Variants in TMC2 observed in about 807,000 individuals in gnomAD.
TMC2 encodes the protein transmembrane channel-like protein 2.
Under a neutral mutation model 105.9 loss-of-function variants are expected in TMC2, and 102 were observed. That is an observed-to-expected ratio of 0.96 (90% CI 0.82 to 1.14). The LOEUF is 1.14. TMC2 is among the 50% of genes most tolerant of loss of function. The probability of loss-of-function intolerance (pLI) is 0.00; values close to 1 mark genes in which losing one functional copy is unlikely to be tolerated. For synonymous variants in TMC2, 402 were observed against 422.8 expected (o/e 0.95, Z 0.60); for missense variants, 1,093 against 1,134.3 (o/e 0.96, Z 0.52).
chr20:2,539,962 A>AAG (rs397746471), intron 2 of TMC2, among the ~76,000 whole-genome samples: 1 of 148,016 alleles, frequency 6.8e-6, no homozygotes, highest in Admixed American at 6.8e-5. Flanking sequence ...CGCAAATAGC[A>AAG]CACAAGACTA....
intron 17 of TMC2, among the ~76,000 whole-genome samples, chr20:2,630,887 G>A (rs2086598089): frequency 6.6e-6 from 1 of 152,146 alleles, no homozygotes; most frequent in African/African-American, 2.4e-5. Context: ...GAAGCATAGT[G>A]TTTATCCATT....
At chr20:2,563,002 T>C (rs1313672588) in intron 4 of TMC2, among the ~76,000 whole-genome samples, 1 of 152,130 alleles carries the variant, frequency 6.6e-6, no homozygotes, top group Non-Finnish European at 1.5e-5. Context: ...TACATACTTT[T>C]TGAGTTTCTG....
At chr20:2,559,599 G>T (rs1715375192) in intron 3 of TMC2, among the ~76,000 whole-genome samples, 1 of 152,142 alleles carries the variant, frequency 6.6e-6, no homozygotes, top group African/African-American at 2.4e-5. Flanking sequence ...GTGAAGAGTT[G>T]ATGTTCTTTC....
At chr20:2,620,767 A>G (rs766466510) in intron 16 of TMC2, among the ~76,000 whole-genome samples, 1 of 152,172 alleles carries the variant, frequency 6.6e-6, no homozygotes, top group Non-Finnish European at 1.5e-5. Flanking sequence ...AGAACTGTGA[A>G]CCCACAAGGG....
intron 5 of TMC2, among the ~76,000 whole-genome samples, chr20:2,574,182 C>A (rs1568510256): frequency 6.6e-6 from 1 of 152,088 alleles, no homozygotes; most frequent in Non-Finnish European, 1.5e-5. Context: ...TATTAAACAC[C>A]TTTTCCTTTA....
chr20:2,566,479 G>A (rs1256411255), intron 4 of TMC2, among the ~76,000 whole-genome samples: 4 of 152,102 alleles, frequency 2.6e-5, no homozygotes, highest in Non-Finnish European at 4.4e-5. Flanking sequence ...CATGAATCAG[G>A]GATATTTGCT....
At chr20:2,589,509 C>T (rs367591511) in intron 7 of TMC2, among the ~76,000 whole-genome samples, 3 of 152,006 alleles carry the variant, frequency 2.0e-5, no homozygotes, top group Non-Finnish European at 2.9e-5. Context: ...TTGAAATCAA[C>T]GAATAACTCA....
chr20:2,606,501 C>A (rs1472309512), intron 11 of TMC2, among the ~76,000 whole-genome samples: 1 of 152,196 alleles, frequency 6.6e-6, no homozygotes, highest in Non-Finnish European at 1.5e-5. Flanking sequence ...CTCAAGTGAT[C>A]TGCCTGCCTC....
intron 11 of TMC2, among the ~76,000 whole-genome samples, chr20:2,609,281 T>C (rs2086416858): frequency 6.6e-6 from 1 of 152,076 alleles, no homozygotes; most frequent in Non-Finnish European, 1.5e-5. Flanking sequence ...GGCCCCAGTG[T>C]AGCTCCTGAC....
rs2086479289 is a variant in TMC2 at position 2,616,121 on chromosome 20, C to T, written c.1873-16C>T. On this transcript the variant is annotated splice_polypyrimidine_tract_variant and intron_variant, in intron 14 of 19. Transcript: ENST00000358864. The surrounding 1 kb of genome is among the most constrained non-coding windows in gnomAD (Gnocchi z 4.8). The stretch of plus-strand genomic sequence containing the variant: ...TTTTTTTCTCTCTCTCTCTCGCTCC[C>T]TCCCTCCCTCTCTAGCCTTCATATG... 1 of 1,608,046 alleles carries T rather than the reference C, an allele frequency of 6.2e-7. No homozygotes were observed. Among genetic ancestry groups the T allele is most frequent in the Non-Finnish European group, 8.5e-7 (1 of 1,174,894 alleles).
At chr20:2,610,059 G>A (rs1300799975) in intron 11 of TMC2, among the ~76,000 whole-genome samples, 2 of 152,190 alleles carry the variant, frequency 1.3e-5, no homozygotes, top group East Asian at 3.9e-4. Context: ...ATGTTAGCCA[G>A]GATCTCCTGG....
At chr20:2,596,424 G>T (rs2086307093) in intron 9 of TMC2, among the ~76,000 whole-genome samples, 1 of 152,124 alleles carries the variant, frequency 6.6e-6, no homozygotes, top group Non-Finnish European at 1.5e-5. Context: ...CTGAGGTCAG[G>T]AGTTCGAGAC....
intron 2 of TMC2, among the ~76,000 whole-genome samples, chr20:2,542,213 G>A (rs527977517): frequency 1.3e-5 from 2 of 152,278 alleles, no homozygotes; most frequent in Non-Finnish European, 2.9e-5. Context: ...ACTCAAGGAG[G>A]TGGTTAGAAT....
In TMC2 at chr20:2,568,601, C is replaced by A. The variant is rs77265659; in HGVS notation, c.555-3578C>A. Among the ~76,000 whole-genome samples the A allele has an allele frequency of 4.2e-3, 634 of 152,298 alleles. 2 individuals carry two copies. Among genetic ancestry groups the A allele is most frequent in the African/African-American group, 0.014 (568 of 41,562 alleles). ...GAAGCTGCTAAATCTTAAAACCTGG[C>A]ACATTTAAGCTCATAGAACTCCAAG... is the stretch of plus-strand genomic sequence containing the variant. On this transcript the variant is annotated intron_variant, in intron 4 of 19. Transcript: ENST00000358864.
In TMC2 at chr20:2,642,130, C is replaced by T. The variant is rs1482059657; in HGVS notation, c.*779C>T. On this transcript the variant is annotated 3_prime_UTR_variant, in exon 20 of 20. Transcript: ENST00000358864. ...GGAGTGGTGGCTCACACCTGTAATC[C>T]CAACACTTTAAGAGGCTGAAGTGGG... 3.9e-5 allele frequency among the ~76,000 whole-genome samples: 6 copies of T among 152,106 alleles called. No individual in the cohort carries two copies. Among genetic ancestry groups the T allele is most frequent in the African/African-American group, 1.4e-4 (6 of 41,404 alleles).
chr20:2,556,358 C>T (rs937039287), intron 2 of TMC2, among the ~76,000 whole-genome samples: 3 of 152,192 alleles, frequency 2.0e-5, no homozygotes, highest in African/African-American at 4.8e-5. Context: ...GGATTACAGG[C>T]GTGAGCCACC....
At chr20:2,589,814 C>T (rs1343757222) in intron 7 of TMC2, among the ~76,000 whole-genome samples, 2 of 152,250 alleles carry the variant, frequency 1.3e-5, no homozygotes, top group African/African-American at 2.4e-5. Flanking sequence ...GGACTACAGG[C>T]GCCCGCCACC....
intron 8 of TMC2, among the ~76,000 whole-genome samples, chr20:2,593,709 C>T (rs2146211963): frequency 6.6e-6 from 1 of 152,296 alleles, no homozygotes; most frequent in South Asian, 2.1e-4. Context: ...TACCTCTCCT[C>T]CCTGCCTTGG....
chr20:2,599,315 A>T (rs923953680), intron 10 of TMC2, among the ~76,000 whole-genome samples: 1 of 148,240 alleles, frequency 6.7e-6, no homozygotes, highest in African/African-American at 2.5e-5. Flanking sequence ...AAAAAAAAAA[A>T]GATGAAATCA....
Sources: gnomAD v4.1 joint callset for allele counts (sites outside exome capture counted in the v4.1 genomes callset) on GRCh38, gnomAD v4.1.1 for gene constraint, Gnocchi (gnomAD v3.1) non-coding constraint, MANE v1.5 for transcripts, NCBI Gene and HGNC (gene_info 2026-07-23, HGNC 2026-07-21) for gene names.